The following RBFOX1 variants were observed in gnomAD, a reference collection of about 807,000 sequenced individuals.
The protein encoded by RBFOX1 is RNA binding protein fox-1 homolog 1.
RBFOX1 carries 8 observed loss-of-function variants against 57.7 expected under a neutral mutation model. The observed-to-expected ratio is 0.14, with a 90% CI of 0.08 to 0.25. RBFOX1 has a LOEUF of 0.25. Ranked by LOEUF, RBFOX1 falls within the 10% of genes least tolerant of loss-of-function variation. The pLI, the probability that RBFOX1 is intolerant of heterozygous loss-of-function variation, is 1.00. For missense variants in RBFOX1, 611 were observed against 548.5 expected (o/e 1.11, Z -1.14); for synonymous variants, 326 against 222.4 (o/e 1.47, Z -4.15).
chr16:7,389,113 T>C (rs2097942122), intron 4 of RBFOX1, among the ~76,000 whole-genome samples: 1 of 152,030 alleles, frequency 6.6e-6, no homozygotes, highest in Admixed American at 6.6e-5. Flanking sequence ...GTCTATTTCT[T>C]TGTTCCTTTT....
intron 1 of RBFOX1, chr16:5,366,275 AGATGATGCTGGTCATGACGATTTTGAT>A (rs1207407100): frequency 2.6e-6 from 1 of 387,848 alleles, no homozygotes; most frequent in African/African-American, 2.1e-5. Context: ...CTGCCGATGA[AGATGATGCTGGTCATGACGATTTTGAT>A]GATGATGAAG....
At chr16:7,217,615 T>C (rs1023757085) in intron 4 of RBFOX1, among the ~76,000 whole-genome samples, 15 of 152,110 alleles carry the variant, frequency 9.9e-5, no homozygotes, top group Admixed American at 9.2e-4. Context: ...GAGAATATAA[T>C]CAATTACTTG....
intron 3 of RBFOX1, among the ~76,000 whole-genome samples, chr16:6,899,672 C>T (rs1308554842): frequency 6.6e-6 from 1 of 152,208 alleles, no homozygotes; most frequent in Non-Finnish European, 1.5e-5. Flanking sequence ...AAGCAAGTGT[C>T]AATTGGAATT....
intron 3 of RBFOX1, among the ~76,000 whole-genome samples, chr16:6,872,571 T>A (rs563509620): frequency 4.1e-4 from 63 of 152,278 alleles, no homozygotes; most frequent in African/African-American, 1.4e-3. Context: ...TAAAAAAAGA[T>A]AAGAACGTTT....
chr16:6,866,662 C>T (rs1022318749), intron 3 of RBFOX1, among the ~76,000 whole-genome samples: 6 of 150,004 alleles, frequency 4.0e-5, no homozygotes, highest in Non-Finnish European at 5.9e-5. Flanking sequence ...CTGCCTCAGC[C>T]TTCCGAGTAG....
chr16:6,999,228 TA>T (rs1488428233), intron 3 of RBFOX1, among the ~76,000 whole-genome samples: 20 of 134,624 alleles, frequency 1.5e-4, no homozygotes, highest in Admixed American at 2.3e-4. Context: ...TTTTTTTATT[TA>T]TTTTTTTTTT....
chr16:6,370,336 C>T (rs1205710256), intron 2 of RBFOX1, among the ~76,000 whole-genome samples: 3 of 109,420 alleles, frequency 2.7e-5, no homozygotes, highest in South Asian at 3.2e-4. Flanking sequence ...CTAGCCTGGG[C>T]GACAGATAGA....
intron 3 of RBFOX1, among the ~76,000 whole-genome samples, chr16:7,024,193 C>A (rs575343006): frequency 2.0e-4 from 31 of 152,180 alleles, no homozygotes; most frequent in Non-Finnish European, 4.1e-4. Context: ...ATTAATGAAG[C>A]ATTTACAAAT....
At chr16:7,485,442 T>C (rs2065130684) in intron 4 of RBFOX1, among the ~76,000 whole-genome samples, 1 of 152,246 alleles carries the variant, frequency 6.6e-6, no homozygotes, top group East Asian at 1.9e-4. Flanking sequence ...CAATAGGTTT[T>C]CCTTGAATCC....
At chr16:7,494,717 G>A (rs923028220) in intron 4 of RBFOX1, among the ~76,000 whole-genome samples, 1 of 151,906 alleles carries the variant, frequency 6.6e-6, no homozygotes, top group Non-Finnish European at 1.5e-5. Context: ...GGCAAAGCCA[G>A]CATTTGAACA....
intron 3 of RBFOX1, among the ~76,000 whole-genome samples, chr16:6,995,072 G>C (rs1383872660): frequency 6.6e-6 from 1 of 151,680 alleles, no homozygotes; most frequent in African/African-American, 2.4e-5. Context: ...AAACTCTCTG[G>C]GGTTAAGTGG....
intron 4 of RBFOX1, among the ~76,000 whole-genome samples, chr16:7,294,512 A>G (rs1044060206): frequency 3.4e-5 from 5 of 147,974 alleles, no homozygotes; most frequent in African/African-American, 1.2e-4. Context: ...GATGATAGGA[A>G]AGTGTTGGCA....
At chr16:6,786,340 C>T (rs924413661) in intron 3 of RBFOX1, among the ~76,000 whole-genome samples, 1 of 152,100 alleles carries the variant, frequency 6.6e-6, no homozygotes, top group Non-Finnish European at 1.5e-5. Flanking sequence ...CACAATGTAC[C>T]CCCACAATGA....
At chr16:6,559,364 A>G (rs1017405860) in intron 2 of RBFOX1, among the ~76,000 whole-genome samples, 1 of 152,106 alleles carries the variant, frequency 6.6e-6, no homozygotes. Context: ...GTATATATAC[A>G]CACACACGTA....
chr16:6,127,999 ATG>A (rs1237466139), intron 1 of RBFOX1, among the ~76,000 whole-genome samples: 1 of 152,124 alleles, frequency 6.6e-6, no homozygotes, highest in Non-Finnish European at 1.5e-5. Flanking sequence ...TCAAATTTTA[ATG>A]TGCTTAAAGA....
chr16:6,608,351 A>G (rs28538628), intron 2 of RBFOX1, among the ~76,000 whole-genome samples: 2,547 of 152,302 alleles, frequency 0.017, 87 homozygotes, highest in African/African-American at 0.058. Context: ...CTTAAATCCC[A>G]GTATTATTGT....
At chr16:5,427,405 T>G (rs2067594743) in intron 1 of RBFOX1, among the ~76,000 whole-genome samples, 1 of 152,068 alleles carries the variant, frequency 6.6e-6, no homozygotes, top group Non-Finnish European at 1.5e-5. Flanking sequence ...GCCAGCATGG[T>G]GAAATCCTGT....
At chr16:6,259,443 T>A (rs1030724254) in intron 1 of RBFOX1, among the ~76,000 whole-genome samples, 2 of 152,170 alleles carry the variant, frequency 1.3e-5, no homozygotes, top group African/African-American at 4.8e-5. Flanking sequence ...TTCATGTGTC[T>A]CTGTGTCCAC....
In RBFOX1 at chr16:7,359,637, C is replaced by G. The variant is rs192955778; in HGVS notation, c.28-158510C>G. ...TCCCCTGTCCACAATGGCTTGCTGT[C>G]TACAGCACGTCTCTCCATCAGCAAT... On this transcript the variant is annotated intron_variant, in intron 4 of 15. Transcript: ENST00000550418. Among the ~76,000 whole-genome samples the G allele has an allele frequency of 5.9e-5, 9 of 152,298 alleles. No individual in the cohort carries two copies. In the South Asian group the frequency reaches 1.7e-3, roughly 28 times the overall value.
Sources: gnomAD v4.1 joint callset for allele counts (sites outside exome capture counted in the v4.1 genomes callset) on GRCh38, gnomAD v4.1.1 for gene constraint, MANE v1.5 for transcripts, NCBI Gene and HGNC (gene_info 2026-07-23, HGNC 2026-07-21) for gene names.